The following SRGAP1 variants were observed in gnomAD, a reference collection of about 807,000 sequenced individuals.
The protein encoded by SRGAP1 is SLIT-ROBO Rho GTPase activating protein 1, also known as SLIT-ROBO Rho GTPase-activating protein 1.
Under a neutral mutation model 121.9 loss-of-function variants are expected in SRGAP1, and 43 were observed. That is an observed-to-expected ratio of 0.35 (90% CI 0.28 to 0.46). The LOEUF (loss-of-function observed/expected upper bound fraction) is 0.46, where lower values mean the gene tolerates loss of function less well. Ranked by LOEUF, SRGAP1 falls within the 20% of genes least tolerant of loss-of-function variation. SRGAP1 has a pLI of 1.00. For missense variants in SRGAP1, 1,102 were observed against 1,350.9 expected, an observed-to-expected ratio of 0.82 and a Z score of 2.89; for synonymous variants, 447 against 485.4, an observed-to-expected ratio of 0.92 and a Z score of 1.04.
intron 5 of SRGAP1, 131 bp from the exon 6 acceptor site, chr12:64,043,315 CA>C: frequency 2.2e-6 from 2 of 895,816 alleles, no homozygotes; most frequent in East Asian, 2.7e-5. Flanking sequence ...GTACTTTTGG[CA>C]AAGGACTTTC....
intron 2 of SRGAP1, 24 bp downstream of exon 2, chr12:63,984,166 C>T (rs374859779): frequency 2.6e-5 from 35 of 1,358,194 alleles, no homozygotes; most frequent in Non-Finnish European, 3.2e-5. Context: ...ATCTAATTCA[C>T]CTTTCCAAGG....
At chr12:64,028,566 C>G (rs1021991362) in intron 4 of SRGAP1, among the ~76,000 whole-genome samples, 1 of 152,178 alleles carries the variant, frequency 6.6e-6, no homozygotes, top group African/African-American at 2.4e-5. Flanking sequence ...ACTTATTTTC[C>G]AGTTCTAGAG....
chr12:64,135,222 T>C (rs1415517829), intron 21 of SRGAP1, among the ~76,000 whole-genome samples: 1 of 152,216 alleles, frequency 6.6e-6, no homozygotes, highest in Non-Finnish European at 1.5e-5. Context: ...CCATTCCAAG[T>C]TGCAGGGTCC....
chr12:63,941,493 A>G (rs1481383386), intron 1 of SRGAP1, among the ~76,000 whole-genome samples: 6 of 152,228 alleles, frequency 3.9e-5, no homozygotes, highest in South Asian at 2.1e-4. Context: ...TGCTGCATAC[A>G]TAAGAGGTGA....
At chr12:63,925,831 G>A (rs2031241232) in intron 1 of SRGAP1, among the ~76,000 whole-genome samples, 1 of 152,144 alleles carries the variant, frequency 6.6e-6, no homozygotes, top group Admixed American at 6.6e-5. Flanking sequence ...TCCTATGTCT[G>A]ACCCCACTTT....
chr12:63,960,228 A>C (rs564013991), intron 1 of SRGAP1, among the ~76,000 whole-genome samples: 6 of 152,312 alleles, frequency 3.9e-5, no homozygotes, highest in African/African-American at 1.4e-4. Context: ...CCGAGAGATG[A>C]ATGCTGAAAT....
chr12:63,891,226 C>A (rs1356554747), intron 1 of SRGAP1, among the ~76,000 whole-genome samples: 1 of 152,164 alleles, frequency 6.6e-6, no homozygotes, highest in Non-Finnish European at 1.5e-5. Context: ...CACCTGAGTT[C>A]TTGTTATCCG....
intron 1 of SRGAP1, among the ~76,000 whole-genome samples, chr12:63,891,339 C>T (rs1245115623): frequency 6.6e-6 from 1 of 152,222 alleles, no homozygotes; most frequent in Non-Finnish European, 1.5e-5. Flanking sequence ...GAGACCTACC[C>T]AGTCTCCTGC....
chr12:63,975,418 C>G (rs1392357046), intron 1 of SRGAP1, among the ~76,000 whole-genome samples: 1 of 152,022 alleles, frequency 6.6e-6, no homozygotes, highest in African/African-American at 2.4e-5. Flanking sequence ...GAGAGCTGTC[C>G]AAAAGCCATA....
intron 4 of SRGAP1, among the ~76,000 whole-genome samples, chr12:64,035,532 C>T (rs764769346): frequency 1.3e-5 from 2 of 152,124 alleles, no homozygotes; most frequent in Non-Finnish European, 2.9e-5. Flanking sequence ...ACCCTGAAAC[C>T]TGGGCTAATG....
intron 1 of SRGAP1, among the ~76,000 whole-genome samples, chr12:63,967,334 C>T (rs918876926): frequency 6.6e-6 from 1 of 152,080 alleles, no homozygotes; most frequent in Non-Finnish European, 1.5e-5. Flanking sequence ...CCCAGTTACT[C>T]GGGAGGCTGA....
intron 21 of SRGAP1, among the ~76,000 whole-genome samples, chr12:64,131,152 G>T (rs1011386920): frequency 4.6e-5 from 7 of 152,118 alleles, no homozygotes; most frequent in Admixed American, 3.9e-4. Flanking sequence ...AGGCTGAATG[G>T]TGTCCACAGA....
chr12:64,078,823 C>G lies in SRGAP1; in HGVS notation c.1126-96C>G, dbSNP rs2035785535. The G allele has an allele frequency of 1.7e-5, 22 of 1,304,908 alleles. No homozygotes were observed. The East Asian group carries it at 5.3e-4, about 32-fold the overall frequency. The allele number at this position is 1,304,908 out of a possible 1,614,324, so 80.8% of individuals were successfully genotyped here. On this transcript the variant is annotated intron_variant, in intron 8 of 21. Coordinates refer to ENST00000355086, the MANE Select transcript of SRGAP1 (RefSeq NM_020762.4). ...GACTGTGAATTTGGCGGGGGCAGGC[C>G]CTGTGTCCTCATCTCTACCTGACAG...
chr12:63,946,582 C>T (rs1249438583), intron 1 of SRGAP1, among the ~76,000 whole-genome samples: 1 of 150,064 alleles, frequency 6.7e-6, no homozygotes, highest in African/African-American at 2.5e-5. Context: ...CTCTCTCTCT[C>T]GCCCACGCTG....
intron 15 of SRGAP1, among the ~76,000 whole-genome samples, chr12:64,101,040 C>A (rs964659972): frequency 6.6e-6 from 1 of 152,000 alleles, no homozygotes; most frequent in African/African-American, 2.4e-5. Flanking sequence ...AAGATATTTA[C>A]AAATAAATGC....
At chr12:64,076,668 A>G (rs1264684302) in intron 8 of SRGAP1, among the ~76,000 whole-genome samples, 1 of 151,988 alleles carries the variant, frequency 6.6e-6, no homozygotes, top group Admixed American at 6.6e-5. Flanking sequence ...TTTTTTTGAG[A>G]CAGAGTCTCA....
chr12:64,080,242 T>G, intron 9 of SRGAP1, 44 bp from the exon 10 acceptor site: 1 of 1,434,712 alleles, frequency 7.0e-7, no homozygotes, highest in Non-Finnish European at 9.5e-7. Flanking sequence ...AAACTCTGTC[T>G]CAAAAAAAAA....
At chr12:64,063,289 A>G in intron 7 of SRGAP1, 151 bp downstream of exon 7, 2 of 736,976 alleles carry the variant, frequency 2.7e-6, no homozygotes, top group Non-Finnish European at 4.3e-6. Context: ...ATTAGTCGCT[A>G]CCGCCTTTTA....
In SRGAP1 at chr12:64,037,843, C is replaced by T. The variant is rs537870599; in HGVS notation, c.490-4947C>T. Among the ~76,000 whole-genome samples, 36 of 152,376 alleles carry T rather than the reference C, an allele frequency of 2.4e-4. 1 individual carries two copies. In the South Asian group the frequency reaches 5.8e-3, roughly 25 times the overall value. ...GATGGAAACCAAGTATTTCTTTTCA[C>T]ACCCATCAGTGGGTTATGGGTGGTA... On this transcript the variant is annotated intron_variant, in intron 4 of 21. Transcript: ENST00000355086.
Sources: gnomAD v4.1 joint callset for allele counts (sites outside exome capture counted in the v4.1 genomes callset) on GRCh38, gnomAD v4.1.1 for gene constraint, MANE v1.5 for transcripts, NCBI Gene and HGNC (gene_info 2026-07-23, HGNC 2026-07-21) for gene names.